CD99: variants seen among roughly 807,000 people sequenced by gnomAD.
CD99 encodes CD99 molecule (Xg blood group), also known as CD99 antigen.
CD99 carries 19 observed loss-of-function variants against 28.4 expected under a neutral mutation model. That is an observed-to-expected ratio of 0.67 (90% CI 0.47 to 0.98). CD99 has a LOEUF of 0.98. Ranked by LOEUF, CD99 falls within the 50% of genes least tolerant of loss-of-function variation. CD99 has a pLI of 0.00. For synonymous variants in CD99, 103 were observed against 92.1 expected (o/e 1.12, Z -0.67); for missense variants, 283 against 248.8 (o/e 1.14, Z -0.92).
chrX:2,704,204 C>T (rs1210840492), intron 1 of CD99, among the ~76,000 whole-genome samples: 3 of 152,166 alleles, frequency 2.0e-5, no homozygotes, highest in Non-Finnish European at 4.4e-5. Context: ...TAAAACTTGG[C>T]GTAGCTCAGG....
chrX:2,717,531 C>A, intron 2 of CD99, 74 bp from the exon 3 acceptor site: 2 of 1,189,738 alleles, frequency 1.7e-6, no homozygotes, highest in African/African-American at 3.0e-5. Flanking sequence ...AATGAAACAT[C>A]CTTAACCACA....
intron 1 of CD99, chrX:2,691,939 C>T (rs754629510): frequency 1.3e-6 from 1 of 778,882 alleles, no homozygotes; most frequent in East Asian, 2.4e-5. Context: ...TAGAAAAAAA[C>T]TTTGAGCCCT....
intron 8 of CD99, chrX:2,727,394 G>A (rs2049349813): frequency 1.3e-6 from 1 of 769,460 alleles, no homozygotes; most frequent in Non-Finnish European, 2.4e-6. Context: ...GCATCACTGG[G>A]CACTTACATT....
chrX:2,724,529 G>A (rs1409729532), intron 7 of CD99, among the ~76,000 whole-genome samples: 2 of 152,192 alleles, frequency 1.3e-5, no homozygotes, highest in Admixed American at 1.3e-4. Flanking sequence ...AGAACTCTGG[G>A]AGGCTGAGGC....
At position 2,720,372 on chromosome X, in the gene CD99, G is replaced by GA; in HGVS notation, c.212dup (p.Asn71LysfsTer15). On this transcript the variant is annotated frameshift_variant, in exon 5 of 10. Transcript: ENST00000381192. LOFTEE classifies it high-confidence loss of function. ...CACAAACAGACGACCCACGACCACC[G>GA]AACCCACCCAAACCGATGCCAAATC... 1 of 1,613,582 alleles carries GA rather than the reference G, an allele frequency of 6.2e-7. No homozygotes were observed. The highest frequency in any genetic ancestry group is 1.3e-5 in the African/African-American group (1 of 74,908).
At chrX:2,738,532 C>G (rs888600142) in intron 9 of CD99, among the ~76,000 whole-genome samples, 1 of 152,000 alleles carries the variant, frequency 6.6e-6, no homozygotes, top group African/African-American at 2.4e-5. Flanking sequence ...TCGAGACCAG[C>G]CTGGCCAACA....
At chrX:2,692,300 G>C (rs917994735) in intron 1 of CD99, 1 of 244,240 alleles carries the variant, frequency 4.1e-6, no homozygotes, top group African/African-American at 2.3e-5. Context: ...GTATGGGCAG[G>C]CTTTTAAGTA....
intron 8 of CD99, among the ~76,000 whole-genome samples, chrX:2,733,851 G>A (rs762774412): frequency 5.9e-5 from 9 of 152,286 alleles, no homozygotes; most frequent in Admixed American, 2.6e-4. Flanking sequence ...GTTTTTGGCC[G>A]TTGACTTGCA....
chrX:2,721,650 G>T (rs2048998119), intron 5 of CD99, among the ~76,000 whole-genome samples: 1 of 152,050 alleles, frequency 6.6e-6, no homozygotes, highest in African/African-American at 2.4e-5. Context: ...TCTTTTGTTT[G>T]TACTGCATTG....
chrX:2,691,980 G>C (rs1441540967), intron 1 of CD99: 2 of 758,680 alleles, frequency 2.6e-6, no homozygotes, highest in Non-Finnish European at 2.5e-6. Flanking sequence ...TGTGGATGCG[G>C]GCTCCGGGAA....
At chrX:2,729,698 G>A (rs2049490025) in intron 8 of CD99, among the ~76,000 whole-genome samples, 1 of 152,092 alleles carries the variant, frequency 6.6e-6, no homozygotes, top group African/African-American at 2.4e-5. Flanking sequence ...ATAGAATTGG[G>A]AAAAGGAAAA....
rs116627059 is a variant in CD99, at chrX:2,731,754, C to T, written c.475+5381C>T. 6.8e-3 allele frequency among the ~76,000 whole-genome samples: 1,030 copies of T among 152,056 alleles called. 16 individuals carry two copies. Among genetic ancestry groups the T allele is most frequent in the African/African-American group, 0.024 (977 of 41,484 alleles). ...GAGTGAGTAGACATAGGTGAGTCTTCGGCATCTTTCCAACAAGGAGATGCC... is the reference window on the plus strand; with the variant it reads ...GAGTGAGTAGACATAGGTGAGTCTTTGGCATCTTTCCAACAAGGAGATGCC... On this transcript the variant is annotated intron_variant, in intron 8 of 9. Transcript: ENST00000381192.
rs1034029742 is a variant in CD99 at position 2,737,990 on chromosome X, G to A, written c.476-210G>A. The A allele has an allele frequency of 3.3e-5, 24 of 716,432 alleles. 1 individual carries two copies. The highest frequency in any genetic ancestry group is 8.0e-5 in the Admixed American group (4 of 49,918). The allele number at this position is 716,432 out of a possible 1,614,324, so 44.4% of individuals were successfully genotyped here. On this transcript the variant is annotated intron_variant, in intron 8 of 9. Transcript: ENST00000381192. ...ACCCTGTTGAAGTTCATCTCTGCCTGTGCCATGCATGAAAAAATACTGGCA... is the reference window on the plus strand; with the variant it reads ...ACCCTGTTGAAGTTCATCTCTGCCTATGCCATGCATGAAAAAATACTGGCA...
In CD99 at chrX:2,720,548, T is replaced by A. The variant is rs746600766; in HGVS notation, c.262+124T>A. The A allele has an allele frequency of 4.0e-6, 3 of 749,842 alleles. No individual in the cohort carries two copies. The South Asian group carries it at 5.4e-5, about 13-fold the overall frequency. 46.4% of individuals were successfully genotyped at this position (749,842 alleles called of 1,614,324 possible). A position where few individuals can be genotyped will look rare whatever the true frequency, so the allele number is the denominator to read the frequency against. ...ACTGTTGACTGCCTGTGCAGTGTAA[T>A]GCCCATGTTCATGTAATGGAAAATG... On this transcript the variant is annotated intron_variant, in intron 5 of 9. Transcript: ENST00000381192.
At chrX:2,731,677 T>C (rs1313703126) in intron 8 of CD99, among the ~76,000 whole-genome samples, 1 of 152,182 alleles carries the variant, frequency 6.6e-6, no homozygotes, top group Non-Finnish European at 1.5e-5. Flanking sequence ...ACTGTGTCAT[T>C]GCATTGAAAT....
rs753881057 is a variant in CD99, at chrX:2,724,992, G to A, written c.362-1268G>A. ...CAGGAGAATAGCTTGAACCCGGGAC[G>A]CAGAGGTTGCAGTGAGCCGAGATCG... is the stretch of plus-strand genomic sequence containing the variant. On this transcript the variant is annotated intron_variant, in intron 7 of 9. Coordinates refer to ENST00000381192, the MANE Select transcript of CD99 (RefSeq NM_002414.5). Among the ~76,000 whole-genome samples, 11 of 151,290 alleles carry A rather than the reference G, an allele frequency of 7.3e-5. No homozygotes were observed. The South Asian group carries it at 1.9e-3, about 26-fold the overall frequency.
chrX:2,740,740 G>A (rs1183339710), intron 9 of CD99, 39 bp from the exon 10 acceptor site: 15 of 1,610,960 alleles, frequency 9.3e-6, no homozygotes, highest in Non-Finnish European at 1.2e-5. Flanking sequence ...AGTGCTCAGG[G>A]ACCTGGGAAT....
intron 8 of CD99, among the ~76,000 whole-genome samples, chrX:2,731,428 A>G (rs1008994846): frequency 4.6e-5 from 7 of 152,160 alleles, no homozygotes; most frequent in African/African-American, 1.7e-4. Flanking sequence ...TGGCTCTACT[A>G]AAAATACAAA....
At chrX:2,692,493 G>C (rs2124444569) in intron 1 of CD99, among the ~76,000 whole-genome samples, 1 of 152,320 alleles carries the variant, frequency 6.6e-6, no homozygotes, top group South Asian at 2.1e-4. Context: ...GGGAGGAGTT[G>C]CTAATGGATT....
Sources: gnomAD v4.1 joint callset for allele counts (sites outside exome capture counted in the v4.1 genomes callset) on GRCh38, gnomAD v4.1.1 for gene constraint, MANE v1.5 for transcripts, NCBI Gene and HGNC (gene_info 2026-07-23, HGNC 2026-07-21) for gene names.